SYT9: variants seen among roughly 807,000 people sequenced by gnomAD.
SYT9 encodes the protein synaptotagmin-9.
Under a neutral mutation model 48.4 loss-of-function variants are expected in SYT9, and 22 were observed. The observed-to-expected ratio is 0.45, with a 90% CI of 0.32 to 0.65. The LOEUF is 0.65. SYT9 is among the 30% of genes least tolerant of loss of function. The pLI, the probability that SYT9 is intolerant of heterozygous loss-of-function variation, is 0.03. For synonymous variants in SYT9, 265 were observed against 245.0 expected (o/e 1.08, Z -0.76); for missense variants, 577 against 622.0 (o/e 0.93, Z 0.77).
At chr11:7,362,535 G>A (rs528917756) in intron 3 of SYT9, among the ~76,000 whole-genome samples, 28 of 152,250 alleles carry the variant, frequency 1.8e-4, no homozygotes, top group African/African-American at 6.5e-4. Context: ...TGGGCCCATG[G>A]GTGCCCCAAA....
intron 3 of SYT9, among the ~76,000 whole-genome samples, chr11:7,351,943 C>A (rs1374852186): frequency 2.0e-5 from 3 of 152,050 alleles, no homozygotes; most frequent in Non-Finnish European, 2.9e-5. Context: ...GGAAAAAAAA[C>A]TCTACAGGAG....
At chr11:7,355,320 C>T (rs1031435969) in intron 3 of SYT9, among the ~76,000 whole-genome samples, 1 of 152,132 alleles carries the variant, frequency 6.6e-6, no homozygotes, top group Non-Finnish European at 1.5e-5. Flanking sequence ...GCTCTCTTTA[C>T]CCCCTAGCCT....
At chr11:7,392,483 C>T (rs1846645057) in intron 3 of SYT9, among the ~76,000 whole-genome samples, 1 of 152,098 alleles carries the variant, frequency 6.6e-6, no homozygotes, top group African/African-American at 2.4e-5. Context: ...TCTACCAGTA[C>T]CATATTCTTT....
intron 3 of SYT9, among the ~76,000 whole-genome samples, chr11:7,360,306 T>G (rs1850108356): frequency 1.3e-5 from 2 of 152,216 alleles, no homozygotes; most frequent in Admixed American, 6.5e-5. Flanking sequence ...GCTTTGTTCT[T>G]TTGGCTTAGG....
chr11:7,274,567 C>T (rs1370269381), intron 1 of SYT9, among the ~76,000 whole-genome samples: 1 of 152,194 alleles, frequency 6.6e-6, no homozygotes, highest in Admixed American at 6.5e-5. Flanking sequence ...ATCCACCCAC[C>T]TCAGCCTCAG....
chr11:7,319,522 G>T (rs187625924), intron 3 of SYT9, among the ~76,000 whole-genome samples: 1 of 152,120 alleles, frequency 6.6e-6, no homozygotes, highest in East Asian at 1.9e-4. Context: ...TAGCTCAGTG[G>T]TAATTTGGGT....
At chr11:7,446,495 G>C (rs1447912470) in intron 6 of SYT9, among the ~76,000 whole-genome samples, 1 of 152,156 alleles carries the variant, frequency 6.6e-6, no homozygotes, top group African/African-American at 2.4e-5. Flanking sequence ...TCTTGGGCTG[G>C]TCCTCCTGTC....
intron 3 of SYT9, among the ~76,000 whole-genome samples, chr11:7,376,372 C>CT (rs1850455205): frequency 6.6e-6 from 1 of 150,594 alleles, no homozygotes; most frequent in African/African-American, 2.4e-5. Context: ...TTCCTTCCTC[C>CT]TCCCCTCCCC....
intron 1 of SYT9, among the ~76,000 whole-genome samples, chr11:7,256,516 G>T (rs1207577857): frequency 6.6e-6 from 1 of 152,066 alleles, no homozygotes; most frequent in African/African-American, 2.4e-5. Flanking sequence ...AGAAGAATTG[G>T]GTCTAAGTGA....
chr11:7,362,571 A>G (rs1850162868), intron 3 of SYT9, among the ~76,000 whole-genome samples: 1 of 152,206 alleles, frequency 6.6e-6, no homozygotes, highest in Non-Finnish European at 1.5e-5. Flanking sequence ...ATTAGTCAGG[A>G]AGAAGGGAAA....
intron 3 of SYT9, among the ~76,000 whole-genome samples, chr11:7,396,760 T>C (rs533774225): frequency 6.1e-4 from 93 of 152,312 alleles, no homozygotes; most frequent in African/African-American, 2.1e-3. Flanking sequence ...TTAGTTAGAC[T>C]AAATAATTAG....
At chr11:7,454,341 G>A in intron 6 of SYT9, 1 of 979,342 alleles carries the variant, frequency 1.0e-6, no homozygotes, top group Non-Finnish European at 1.2e-6. Flanking sequence ...GCTCTCTGCT[G>A]CACTCCAGGC....
At chr11:7,336,393 T>C (rs1269788284) in intron 3 of SYT9, among the ~76,000 whole-genome samples, 1 of 152,218 alleles carries the variant, frequency 6.6e-6, no homozygotes, top group Non-Finnish European at 1.5e-5. Context: ...GCTTTTGGCA[T>C]CTTCATCATT....
At chr11:7,270,351 T>C (rs1848271793) in intron 1 of SYT9, among the ~76,000 whole-genome samples, 1 of 152,166 alleles carries the variant, frequency 6.6e-6, no homozygotes, top group South Asian at 2.1e-4. Context: ...TTAGGACAGA[T>C]TCAGCTAGAT....
At chr11:7,282,514 G>A (rs560816208) in intron 1 of SYT9, among the ~76,000 whole-genome samples, 78 of 152,326 alleles carry the variant, frequency 5.1e-4, no homozygotes, top group African/African-American at 1.7e-3. Context: ...GTAGACAGAT[G>A]TCAGGTTAGG....
At chr11:7,309,292 AGAG>A (rs1381113995) in intron 2 of SYT9, among the ~76,000 whole-genome samples, 1 of 152,158 alleles carries the variant, frequency 6.6e-6, no homozygotes, top group Non-Finnish European at 1.5e-5. Context: ...GCTTATTAGT[AGAG>A]GAGATCATCT....
At chr11:7,409,500 T>G (rs1449137567) in intron 3 of SYT9, among the ~76,000 whole-genome samples, 1 of 152,164 alleles carries the variant, frequency 6.6e-6, no homozygotes, top group East Asian at 1.9e-4. Flanking sequence ...CATCCAGTAG[T>G]TGGGTTTTCT....
rs557842525 is a variant in SYT9 at position 7,279,361 on chromosome 11, G to A, written c.146-23678G>A. Among the ~76,000 whole-genome samples, 18 of 151,896 alleles carry A rather than the reference G, an allele frequency of 1.2e-4. No individual in the cohort carries two copies. The South Asian group carries it at 2.5e-3, about 21-fold the overall frequency. ...TGATAACCAATATGTCTTTTTTTCCGTTGAGAACAAAAAAACTGACTCAAG... is the reference window on the plus strand; with the variant it reads ...TGATAACCAATATGTCTTTTTTTCCATTGAGAACAAAAAAACTGACTCAAG... On this transcript the variant is annotated intron_variant, in intron 1 of 6. Transcript: ENST00000318881.
intron 3 of SYT9, among the ~76,000 whole-genome samples, chr11:7,402,704 C>CT (rs1004870822): frequency 7.4e-4 from 113 of 152,040 alleles, no homozygotes; most frequent in African/African-American, 2.4e-3. Context: ...CTTTAAAAAT[C>CT]TTTTTTTGTG....
Sources: gnomAD v4.1 joint callset for allele counts (sites outside exome capture counted in the v4.1 genomes callset) on GRCh38, gnomAD v4.1.1 for gene constraint, MANE v1.5 for transcripts, NCBI Gene and HGNC (gene_info 2026-07-23, HGNC 2026-07-21) for gene names.